CEPT1: variants seen among roughly 807,000 people sequenced by gnomAD.
CEPT1 encodes the protein choline/ethanolaminephosphotransferase 1.
In CEPT1, 7 loss-of-function variants were observed where a neutral mutation model predicts 42.6. The observed-to-expected ratio is 0.16, with a 90% CI of 0.09 to 0.31. The LOEUF is 0.31. Among genes scored for constraint, CEPT1 ranks in the 10% least tolerant of loss-of-function variants. The pLI is 1.00. For synonymous variants in CEPT1, 171 were observed against 171.9 expected, an observed-to-expected ratio of 0.99 and a Z score of 0.04; for missense variants, 306 against 502.1, an observed-to-expected ratio of 0.61 and a Z score of 3.73.
chr1:111,177,144 T>TA (rs1656718145), intron 5 of CEPT1, among the ~76,000 whole-genome samples: 1 of 152,228 alleles, frequency 6.6e-6, no homozygotes, highest in Non-Finnish European at 1.5e-5. Flanking sequence ...GTAATGCACT[T>TA]AGTTCTTGGC....
At chr1:111,184,155 CTAAACGGG>C (rs1657137210) in intron 8 of CEPT1, 28 bp from the exon 9 acceptor site, 4 of 1,610,576 alleles carry the variant, frequency 2.5e-6, no homozygotes, top group Non-Finnish European at 3.4e-6. Flanking sequence ...TAGGGAGAGC[CTAAACGGG>C]TGCTGAGAAT....
intron 7 of CEPT1, 63 bp from the exon 8 acceptor site, chr1:111,183,399 T>A: frequency 6.4e-7 from 1 of 1,551,362 alleles, no homozygotes; most frequent in Non-Finnish European, 8.9e-7. Context: ...ACAATATGAT[T>A]TACTGTGTAG....
chr1:111,144,465 G>A lies in CEPT1; in HGVS notation c.-73-3177G>A, dbSNP rs534976495. ...CTCTTTTCATGTATAAATTTGTACC[G>A]TGGGCTAGATCTGGAAAGGTTTGTC... On this transcript the variant is annotated intron_variant, in intron 1 of 8. Coordinates refer to ENST00000357172, the MANE Select transcript of CEPT1 (RefSeq NM_006090.5). Among the ~76,000 whole-genome samples, 42 of 152,286 alleles carry A rather than the reference G, an allele frequency of 2.8e-4. 1 individual carries two copies. In the South Asian group the frequency reaches 6.0e-3, roughly 22 times the overall value.
At chr1:111,171,703 C>A (rs1399211220) in intron 4 of CEPT1, among the ~76,000 whole-genome samples, 1 of 152,114 alleles carries the variant, frequency 6.6e-6, no homozygotes, top group Admixed American at 6.5e-5. Context: ...TGTCTTTTGA[C>A]GACCTATATT....
intron 2 of CEPT1, among the ~76,000 whole-genome samples, chr1:111,156,501 C>A (rs1051371065): frequency 6.6e-6 from 1 of 152,122 alleles, no homozygotes; most frequent in East Asian, 1.9e-4. Flanking sequence ...CTTTTGGCTT[C>A]CCTGAACCAT....
intron 4 of CEPT1, among the ~76,000 whole-genome samples, chr1:111,170,458 A>G (rs1223901497): frequency 6.6e-6 from 1 of 152,172 alleles, no homozygotes; most frequent in Admixed American, 6.5e-5. Context: ...AATTTATAAC[A>G]CTTGAATTAA....
chr1:111,175,408 T>G (rs538440077), intron 5 of CEPT1, among the ~76,000 whole-genome samples: 1 of 152,312 alleles, frequency 6.6e-6, no homozygotes, highest in South Asian at 2.1e-4. Context: ...ATCAGTGCCA[T>G]GGGATTGTTT....
intron 4 of CEPT1, 37 bp from the exon 5 acceptor site, chr1:111,174,842 A>C: frequency 8.0e-7 from 1 of 1,255,096 alleles, no homozygotes; most frequent in Non-Finnish European, 1.2e-6. Context: ...AATTGTTGTG[A>C]CTAATTCTGC....
chr1:111,180,309 G>A (rs1253901154), intron 5 of CEPT1: 2 of 152,122 alleles, frequency 1.3e-5, no homozygotes, highest in Non-Finnish European at 2.9e-5. Context: ...TGGGAGGGGT[G>A]GGAAGAGAGG....
At position 111,141,225 on chromosome 1, in the gene CEPT1, CT is replaced by C. The variant is rs555316945; in HGVS notation, c.-74+920del. ...AGTCCGTAGATGTTGAGTTGAACGA[CT>C]TATAACACAAGTTAGACTTTGGTAA... is the stretch of plus-strand genomic sequence containing the variant. On this transcript the variant is annotated intron_variant, in intron 1 of 8. Transcript: ENST00000357172. Among the ~76,000 whole-genome samples the C allele has an allele frequency of 2.0e-5, 3 of 152,288 alleles. No homozygotes were observed. The East Asian group carries it at 5.8e-4, about 29-fold the overall frequency.
At chr1:111,143,930 A>G (rs1405822562) in intron 1 of CEPT1, among the ~76,000 whole-genome samples, 5 of 152,006 alleles carry the variant, frequency 3.3e-5, no homozygotes, top group Admixed American at 1.3e-4. Context: ...TGGTTTTGCT[A>G]TGTTTCCTAG....
chr1:111,174,672 G>A (rs1169724707), intron 4 of CEPT1, among the ~76,000 whole-genome samples: 1 of 150,750 alleles, frequency 6.6e-6, no homozygotes, highest in Non-Finnish European at 1.5e-5. Flanking sequence ...ATTGCTCTTT[G>A]AAATTCATCA....
chr1:111,156,665 G>A (rs2101287721), intron 2 of CEPT1, among the ~76,000 whole-genome samples: 1 of 152,288 alleles, frequency 6.6e-6, no homozygotes, highest in South Asian at 2.1e-4. Flanking sequence ...CAGCCCACGT[G>A]CCACAGCTTG....
At position 111,147,732 on chromosome 1, in the gene CEPT1, A is replaced by G. The variant is rs374255714; in HGVS notation, c.18A>G (p.Ser6=). 38 of 1,609,088 alleles carry G rather than the reference A, an allele frequency of 2.4e-5. No homozygotes were observed. The highest frequency in any genetic ancestry group is 3.1e-5 in the Non-Finnish European group (37 of 1,176,580). Residue 6 remains serine, a synonymous_variant, in exon 2 of 9, where the codon TCA becomes TCG. Coordinates refer to ENST00000357172, the MANE Select transcript of CEPT1 (RefSeq NM_006090.5). ...CAAGATCCATGAGTGGGCATCGATCAACAAGGAAAAGATGTGGAGATTCTC... is the reference window on the plus strand; with the variant it reads ...CAAGATCCATGAGTGGGCATCGATCGACAAGGAAAAGATGTGGAGATTCTC... MSGHR[S]TRKRCGDSHP...
chr1:111,183,632 G>A (rs763646064), intron 8 of CEPT1, 45 bp downstream of exon 8: 9 of 1,564,706 alleles, frequency 5.8e-6, no homozygotes, highest in Non-Finnish European at 7.9e-6. Context: ...AGGGTTTGAA[G>A]GTTGCTTGTT....
intron 2 of CEPT1, among the ~76,000 whole-genome samples, chr1:111,154,948 T>C (rs1571124617): frequency 6.6e-6 from 1 of 152,196 alleles, no homozygotes; most frequent in Non-Finnish European, 1.5e-5. Context: ...TGTGGTTTTC[T>C]TCTTTTATTG....
At chr1:111,168,077 T>C (rs1656226221) in intron 4 of CEPT1, among the ~76,000 whole-genome samples, 1 of 152,086 alleles carries the variant, frequency 6.6e-6, no homozygotes, top group African/African-American at 2.4e-5. Flanking sequence ...TCTTGCTGTG[T>C]TGCCTAGGAT....
At position 111,167,175 on chromosome 1, in the gene CEPT1, G is replaced by A. The variant is rs182748646; in HGVS notation, c.629+5879G>A. ...TTCTCACAGGAACCCTGGGGCCTTG[G>A]TTCTGGAACTTCACGGTAACTGCTA... On this transcript the variant is annotated intron_variant, in intron 4 of 8. Transcript: ENST00000357172. 5,891 of 985,184 alleles carry A rather than the reference G, an allele frequency of 6.0e-3. 15 individuals carry two copies. Among genetic ancestry groups the A allele is most frequent in the Non-Finnish European group, 6.6e-3 (5,511 of 829,760 alleles). The allele number at this position is 985,184 out of a possible 1,614,324, so 61.0% of individuals were successfully genotyped here.
intron 5 of CEPT1, among the ~76,000 whole-genome samples, chr1:111,175,525 C>G (rs1319838422): frequency 1.3e-5 from 2 of 152,070 alleles, no homozygotes; most frequent in Non-Finnish European, 2.9e-5. Context: ...ATATGGAGGC[C>G]AAGAACACAA....
Sources: allele counts gnomAD v4.1 joint callset (sites outside exome capture counted in the v4.1 genomes callset), GRCh38; gene constraint gnomAD v4.1.1; transcripts MANE v1.5; gene names NCBI Gene and HGNC (gene_info 2026-07-23, HGNC 2026-07-21).